Variants in SVIL observed in about 807,000 individuals in gnomAD.
SVIL encodes the protein supervillin.
A neutral mutation model predicts 240.4 loss-of-function variants in SVIL; 101 were observed. The ratio of observed to expected loss-of-function variants is 0.42; its 90% CI spans 0.36 to 0.50. The LOEUF (loss-of-function observed/expected upper bound fraction) is 0.50. SVIL is among the 20% of genes least tolerant of loss of function. The pLI is 0.01. For missense variants in SVIL, 2,512 were observed against 2,818.7 expected, an observed-to-expected ratio of 0.89 and a Z score of 2.46; for synonymous variants, 999 against 1,100.0, an observed-to-expected ratio of 0.91 and a Z score of 1.82.
intron 17 of SVIL, among the ~76,000 whole-genome samples, chr10:29,503,741 T>C (rs1327685541): frequency 6.6e-6 from 1 of 152,240 alleles, no homozygotes; most frequent in East Asian, 1.9e-4. Flanking sequence ...TGTTCATGGA[T>C]AAGAAGACTC....
At chr10:29,531,836 T>TA (rs1951391206) in intron 9 of SVIL, among the ~76,000 whole-genome samples, 166 bp downstream of exon 9, 1 of 152,202 alleles carries the variant, frequency 6.6e-6, no homozygotes, top group African/African-American at 2.4e-5. Context: ...TAATATTCTT[T>TA]AAAAAGACTT....
At chr10:29,687,727 T>G (rs191510317) in intron 1 of SVIL, among the ~76,000 whole-genome samples, 2 of 152,304 alleles carry the variant, frequency 1.3e-5, no homozygotes, top group East Asian at 3.9e-4. Flanking sequence ...TACCTGCCCC[T>G]TTTTCTACAA....
intron 1 of SVIL, among the ~76,000 whole-genome samples, chr10:29,592,500 T>C (rs1564680158): frequency 6.6e-6 from 1 of 152,214 alleles, no homozygotes; most frequent in African/African-American, 2.4e-5. Flanking sequence ...CGCCAGGTGC[T>C]GTTCAGTTTC....
chr10:29,694,720 A>G (rs1422177584), intron 1 of SVIL, among the ~76,000 whole-genome samples: 2 of 152,304 alleles, frequency 1.3e-5, no homozygotes, highest in East Asian at 3.9e-4. Flanking sequence ...TCGGCCTCCC[A>G]AAGTGCGTGA....
chr10:29,583,711 C>T (rs910775341), intron 1 of SVIL, among the ~76,000 whole-genome samples: 53 of 152,336 alleles, frequency 3.5e-4, no homozygotes, highest in African/African-American at 1.1e-3. Context: ...ATATTTCACA[C>T]TTTCATGATT....
intron 3 of SVIL, among the ~76,000 whole-genome samples, chr10:29,556,286 G>C (rs924395344): frequency 9.2e-5 from 14 of 152,142 alleles, no homozygotes; most frequent in African/African-American, 3.4e-4. Flanking sequence ...AAAGAGAGAG[G>C]GGTGGCTGGA....
At position 29,481,589 on chromosome 10, in the gene SVIL, G is replaced by T. The variant is rs765187584; in HGVS notation, c.5095C>A (p.His1699Asn). Residue 1699 changes from histidine (H) to asparagine (N), a missense_variant, in exon 28 of 38, where the codon CAC (histidine) becomes AAC (asparagine). This residue lies in a region of SVIL where 797 missense variants were observed against 925.3 expected (regional missense o/e 0.86). Transcript: ENST00000355867. ...AGGCTTGGTCGCCGGAATACCTTGTGCTGGGCAAGTTCCCCGGGGTTCTTC... is the reference window on the plus strand; with the variant it reads ...AGGCTTGGTCGCCGGAATACCTTGTTCTGGGCAAGTTCCCCGGGGTTCTTC... ...NEKNPGELAQ[H>N]KEDPRTDVKA... 6.2e-7 allele frequency: 1 copy of T among 1,614,098 alleles called. No individual in the cohort carries two copies. The highest frequency in any genetic ancestry group is 1.7e-5 in the Admixed American group (1 of 60,010).
intron 3 of SVIL, among the ~76,000 whole-genome samples, chr10:29,656,147 G>T (rs1437696704): frequency 6.6e-6 from 1 of 150,858 alleles, no homozygotes; most frequent in African/African-American, 2.4e-5. Context: ...GGTATTACAG[G>T]TGTGAGCCAC....
chr10:29,489,344 T>C (rs574701088), intron 22 of SVIL, among the ~76,000 whole-genome samples: 183 of 152,316 alleles, frequency 1.2e-3, no homozygotes, highest in African/African-American at 4.4e-3. Context: ...CGGTCAGTCA[T>C]CACTAATCCA....
At chr10:29,553,893 C>G (rs1267002805) in intron 5 of SVIL, among the ~76,000 whole-genome samples, 1 of 152,190 alleles carries the variant, frequency 6.6e-6, no homozygotes, top group Non-Finnish European at 1.5e-5. Flanking sequence ...CTCTAGCGCT[C>G]CCTGCTGAGA....
At chr10:29,584,283 C>CCTG (rs1646119045) in intron 1 of SVIL, among the ~76,000 whole-genome samples, 2 of 152,210 alleles carry the variant, frequency 1.3e-5, no homozygotes, top group African/African-American at 2.4e-5. Context: ...ATCACTTAGG[C>CCTG]ACACCCTGAG....
chr10:29,470,358 G>A lies in SVIL; in HGVS notation c.5761C>T (p.Leu1921Phe), dbSNP rs577569759. ...SMVVLNVNKA[L>F]IYLWHGCKAQ... ...TTGCATCCGTGCCACAGGTAGATGA[G>A]GGCCTTGTTGACGTTAAGCACCACC... Residue 1921 changes from leucine (L) to phenylalanine (F), a missense_variant, in exon 32 of 38, where the codon CTC becomes TTC. By Grantham distance (22) the Leu-to-Phe change is conservative. Coordinates refer to ENST00000355867, the MANE Select transcript of SVIL (RefSeq NM_021738.3). The A allele has an allele frequency of 6.2e-7, 1 of 1,614,168 alleles. No individual in the cohort carries two copies. The highest frequency in any genetic ancestry group is 2.2e-5 in the East Asian group (1 of 44,876).
intron 1 of SVIL, among the ~76,000 whole-genome samples, chr10:29,604,363 C>CTTTTTTTTT (rs71525560): frequency 7.8e-5 from 3 of 38,426 alleles, no homozygotes; most frequent in Non-Finnish European, 1.7e-4. Context: ...CCATGTCTGG[C>CTTTTTTTTT]TTTTTTTTTT....
chr10:29,708,300 G>A (rs963088680), intron 1 of SVIL, among the ~76,000 whole-genome samples: 5 of 142,034 alleles, frequency 3.5e-5, no homozygotes, highest in African/African-American at 1.3e-4. Flanking sequence ...TTACATCAGC[G>A]AAGAGAAAAT....
In SVIL at chr10:29,532,688, A is replaced by G; in HGVS notation, c.1679T>C (p.Leu560Ser). ...CCTGGAAGCTGGGTCCTTATACTTC[A>G]AGGCCTGGAGCTGAGGGGGGCCTGT... The part of the protein sequence containing the change: ...DFTGPPQLQA[L>S]KYKDPASRRE... The change falls in exon 8 of 38, where the codon TTG becomes TCG. Residue 560 changes from leucine to serine, a missense_variant. Physicochemically the swap from Leu to Ser is moderately radical, Grantham distance 145. This residue lies in a region of SVIL where 1,443 missense variants were observed against 1,486.6 expected (regional missense o/e 0.97). Transcript: ENST00000355867. The G allele has an allele frequency of 1.9e-6, 3 of 1,614,070 alleles. No homozygotes were observed. Among genetic ancestry groups the G allele is most frequent in the Non-Finnish European group, 2.5e-6 (3 of 1,180,014 alleles).
chr10:29,649,166 TA>T (rs1253663732), intron 3 of SVIL, among the ~76,000 whole-genome samples: 2 of 151,832 alleles, frequency 1.3e-5, no homozygotes, highest in Non-Finnish European at 2.9e-5. Flanking sequence ...TCTAAATAAA[TA>T]AATAAAAGCA....
chr10:29,500,260 C>T (rs1378971774), intron 17 of SVIL, among the ~76,000 whole-genome samples: 1 of 152,044 alleles, frequency 6.6e-6, no homozygotes, highest in African/African-American at 2.4e-5. Flanking sequence ...CGCTGGCCGG[C>T]AGAGTTTGCT....
In SVIL at chr10:29,564,632, A is replaced by T. The variant is rs548567035; in HGVS notation, c.-142-1340T>A. ...CAATTGATAACCTCTACCCCCTGTA[A>T]AAACTACAGGGAAAGAACTTCCACA... On this transcript the variant is annotated intron_variant, in intron 2 of 37. Transcript: ENST00000355867. 1.1e-4 allele frequency among the ~76,000 whole-genome samples: 17 copies of T among 151,860 alleles called. No individual in the cohort carries two copies. The East Asian group carries it at 3.3e-3, about 29-fold the overall frequency.
At chr10:29,548,275 C>T (rs1952882194) in intron 6 of SVIL, among the ~76,000 whole-genome samples, 1 of 152,058 alleles carries the variant, frequency 6.6e-6, no homozygotes, top group Admixed American at 6.5e-5. Flanking sequence ...GGGGTGTTTC[C>T]CACATATGAA....
Sources: allele counts gnomAD v4.1 joint callset (sites outside exome capture counted in the v4.1 genomes callset), GRCh38; gene constraint gnomAD v4.1.1; regional missense constraint gnomAD v4.1.1; transcripts MANE v1.5; gene names NCBI Gene and HGNC (gene_info 2026-07-23, HGNC 2026-07-21).